ARHGEF18: variants seen among roughly 807,000 people sequenced by gnomAD.
ARHGEF18 encodes Rho/Rac guanine nucleotide exchange factor 18.
A neutral mutation model predicts 155.7 loss-of-function variants in ARHGEF18; 93 were observed. The ratio of observed to expected loss-of-function variants is 0.60; its 90% confidence interval spans 0.50 to 0.71. The LOEUF (loss-of-function observed/expected upper bound fraction) is 0.71. Ranked by LOEUF, ARHGEF18 falls within the 30% of genes least tolerant of loss-of-function variation. ARHGEF18 has a pLI of 0.00. For synonymous variants in ARHGEF18, 742 were observed against 753.1 expected, an observed-to-expected ratio of 0.99 and a Z score of 0.24; for missense variants, 1,593 against 1,816.1, an observed-to-expected ratio of 0.88 and a Z score of 2.23.
intron 23 of ARHGEF18, among the ~76,000 whole-genome samples, chr19:7,465,695 G>A (rs932882843): frequency 3.3e-5 from 5 of 152,158 alleles, no homozygotes; most frequent in Non-Finnish European, 4.4e-5. Context: ...AGGCAAGGCC[G>A]CCATACCTGG....
At chr19:7,472,700 T>G (rs908980941), downstream of ARHGEF18, 6 of 291,668 alleles carry the variant, frequency 2.1e-5, no homozygotes, top group African/African-American at 1.3e-4. Context: ...TCTGTTTTTT[T>G]GGTTTGTTTG....
At chr19:7,443,907 GAAAA>G (rs71179114) in intron 13 of ARHGEF18, among the ~76,000 whole-genome samples, 1 of 143,080 alleles carries the variant, frequency 7.0e-6, no homozygotes, top group Non-Finnish European at 1.5e-5. Context: ...CCATCTCAAA[GAAAA>G]AAAAAAAAAC....
intron 10 of ARHGEF18, among the ~76,000 whole-genome samples, chr19:7,391,366 C>T (rs1971391037): frequency 1.3e-5 from 2 of 152,152 alleles, no homozygotes. Context: ...TGGGTCTCCA[C>T]GATAAAGTTG....
chr19:7,370,357 G>A (rs1455520066), intron 2 of ARHGEF18, among the ~76,000 whole-genome samples: 3 of 151,818 alleles, frequency 2.0e-5, no homozygotes, highest in African/African-American at 2.4e-5. Context: ...TTAGCCGGGC[G>A]TGGTGGCGGG....
intron 23 of ARHGEF18, among the ~76,000 whole-genome samples, chr19:7,464,954 C>T (rs1976521782): frequency 6.6e-6 from 1 of 152,218 alleles, no homozygotes; most frequent in African/African-American, 2.4e-5. Flanking sequence ...GCTTCATCAA[C>T]AGGCGAGGAA....
chr19:7,358,731 T>C (rs917184010), intron 1 of ARHGEF18, among the ~76,000 whole-genome samples: 1 of 152,216 alleles, frequency 6.6e-6, no homozygotes, highest in Non-Finnish European at 1.5e-5. Flanking sequence ...ACCAGATTGG[T>C]ATGGCCTTGG....
chr19:7,444,466 C>T lies in ARHGEF18; in HGVS notation c.1611+12C>T, dbSNP rs371979549. ...TCCTGGTTCAGCAGGTGGGTGCAGC[C>T]GTGTTCATCTCAACAGTCTTCAAAG... On this transcript the variant is annotated intron_variant, in intron 14 of 28. Coordinates refer to ENST00000668164, the MANE Select transcript of ARHGEF18 (RefSeq NM_001367823.1). This position sits in a 1 kb window ranked among gnomAD's most constrained non-coding sequence, Gnocchi z 4.7. 2.8e-5 allele frequency: 45 copies of T among 1,611,672 alleles called. 1 individual carries two copies. Among genetic ancestry groups the T allele is most frequent in the East Asian group, 2.0e-4 (9 of 44,844 alleles).
At chr19:7,438,981 C>T (rs543349521) in intron 10 of ARHGEF18, among the ~76,000 whole-genome samples, 3 of 152,044 alleles carry the variant, frequency 2.0e-5, no homozygotes, top group African/African-American at 7.2e-5. Flanking sequence ...CAAGCGATTC[C>T]GTGCCTCAGC....
At chr19:7,454,357 C>CTGGATCAGTGAGTACCATCT (rs1975697543) in intron 17 of ARHGEF18, among the ~76,000 whole-genome samples, 1 of 151,728 alleles carries the variant, frequency 6.6e-6, no homozygotes, top group Non-Finnish European at 1.5e-5. Flanking sequence ...TAGTGACATC[C>CTGGATCAGTGAGTACCATCT]TGGATCAGTG....
In ARHGEF18 at chr19:7,367,799, T is replaced by C. The variant is rs1227069592; in HGVS notation, c.15+4894T>C. ...CACATATATATATTTTATATATATATACACATATATATATTTTATATATAT... is the reference window on the plus strand; with the variant it reads ...CACATATATATATTTTATATATATACACACATATATATATTTTATATATAT... On this transcript the variant is annotated intron_variant, in intron 2 of 28. Transcript: ENST00000668164. 2.3e-5 allele frequency among the ~76,000 whole-genome samples: 3 copies of C among 129,242 alleles called. 1 individual carries two copies. Among genetic ancestry groups the C allele is most frequent in the South Asian group, 4.4e-4 (2 of 4,528 alleles). The allele number at this position is 129,242 out of a possible 152,430, so 84.8% of individuals were successfully genotyped here. A position where few individuals can be genotyped will look rare whatever the true frequency, so the allele number is the denominator to read the frequency against.
intron 10 of ARHGEF18, chr19:7,439,935 C>T (rs1974517539): frequency 6.7e-7 from 1 of 1,487,532 alleles, no homozygotes; most frequent in South Asian, 1.3e-5. Flanking sequence ...GCAATTTCCA[C>T]AGTAAATGGT....
intron 10 of ARHGEF18, among the ~76,000 whole-genome samples, chr19:7,430,111 C>G (rs944322825): frequency 9.2e-5 from 14 of 152,076 alleles, no homozygotes; most frequent in Non-Finnish European, 2.9e-5. Context: ...AGGCTTTATC[C>G]AAATTTCACC....
At chr19:7,459,059 T>G (rs556610246) in intron 19 of ARHGEF18, among the ~76,000 whole-genome samples, 2 of 152,222 alleles carry the variant, frequency 1.3e-5, no homozygotes, top group Non-Finnish European at 2.9e-5. Flanking sequence ...TTTTTTATTT[T>G]TTTGAGACAG....
intron 10 of ARHGEF18, among the ~76,000 whole-genome samples, chr19:7,406,825 T>C (rs1814339): frequency 0.16 from 23,802 of 150,882 alleles, 3,932 homozygotes; most frequent in African/African-American, 0.42. Flanking sequence ...GAGGCCGAGG[T>C]GGGCGGATCA....
At chr19:7,408,900 C>G (rs4804590) in intron 10 of ARHGEF18, among the ~76,000 whole-genome samples, 113,116 of 151,746 alleles carry the variant, frequency 0.75, 42,335 homozygotes, top group Middle Eastern at 0.84. Flanking sequence ...TATAAACTTA[C>G]ACACGCGTGG....
chr19:7,355,068 TCACACACACACACACACA>T (rs60457716), intron 1 of ARHGEF18, among the ~76,000 whole-genome samples: 8,960 of 146,312 alleles, frequency 0.061, 778 homozygotes, highest in African/African-American at 0.19. Flanking sequence ...CCAATGGGCT[TCACACACACACACACACA>T]CACACACACA....
intron 10 of ARHGEF18, among the ~76,000 whole-genome samples, chr19:7,429,128 TCCC>T (rs142402795): frequency 0.66 from 100,829 of 151,748 alleles, 34,027 homozygotes; most frequent in Middle Eastern, 0.79. Flanking sequence ...GCTCTGAGGC[TCCC>T]CCCTGGTATG....
In ARHGEF18 at chr19:7,444,573, C is replaced by T. The variant is rs1431818591; in HGVS notation, c.1611+119C>T. 5.8e-6 allele frequency: 8 copies of T among 1,388,740 alleles called. No individual in the cohort carries two copies. Among genetic ancestry groups the T allele is most frequent in the Non-Finnish European group, 5.8e-6 (6 of 1,038,822 alleles). The allele number at this position is 1,388,740 out of a possible 1,614,324, so 86.0% of individuals were successfully genotyped here. ...TCGCCCAGGCTGGAGTGCAGTGGTGCAGTCACAGCTCAATGCAGCCTCAAC... is the reference window on the plus strand; with the variant it reads ...TCGCCCAGGCTGGAGTGCAGTGGTGTAGTCACAGCTCAATGCAGCCTCAAC... On this transcript the variant is annotated intron_variant, in intron 14 of 28. Transcript: ENST00000668164. The surrounding 1 kb of genome is among the most constrained non-coding windows in gnomAD (Gnocchi z 4.7).
chr19:7,458,982 G>A (rs1976023283), intron 19 of ARHGEF18, among the ~76,000 whole-genome samples: 1 of 152,162 alleles, frequency 6.6e-6, no homozygotes, highest in African/African-American at 2.4e-5. Flanking sequence ...ATGGCATCTT[G>A]TCCTTCCTCC....
Sources: gnomAD v4.1 joint callset for allele counts (sites outside exome capture counted in the v4.1 genomes callset) on GRCh38, gnomAD v4.1.1 for gene constraint, Gnocchi (gnomAD v3.1) non-coding constraint, MANE v1.5 for transcripts, NCBI Gene and HGNC (gene_info 2026-07-23, HGNC 2026-07-21) for gene names.